VIPR1: variants seen among roughly 807,000 people sequenced by gnomAD.
The protein encoded by VIPR1 is vasoactive intestinal polypeptide receptor 1.
In VIPR1, 59 loss-of-function variants were observed where a neutral mutation model predicts 58.8. The ratio of observed to expected loss-of-function variants is 1.00; its 90% CI spans 0.81 to 1.25. The LOEUF is 1.25. Ranked by LOEUF, VIPR1 falls within the 50% of genes most tolerant of loss-of-function variation. The pLI is 0.00. For synonymous variants in VIPR1, 251 were observed against 242.1 expected, an observed-to-expected ratio of 1.04 and a Z score of -0.34; for missense variants, 626 against 602.7, an observed-to-expected ratio of 1.04 and a Z score of -0.40.
intron 3 of VIPR1, 30 bp downstream of exon 3, chr3:42,519,360 G>C (rs1161216735): frequency 3.2e-6 from 5 of 1,563,098 alleles, no homozygotes; most frequent in Non-Finnish European, 4.3e-6. Flanking sequence ...GAGGTGATGT[G>C]AGTGGGGCCG....
chr3:42,536,587 T>G lies in VIPR1; in HGVS notation c.*306T>G, dbSNP rs1701863744. ...ATCAAGGGCAAAAAGTCTACATACT[T>G]TCATCCTGACTCTGCCCCCTGCTGG... On this transcript the variant is annotated 3_prime_UTR_variant, in exon 13 of 13. Coordinates refer to ENST00000325123, the MANE Select transcript of VIPR1 (RefSeq NM_004624.4). 6.6e-6 allele frequency: 2 copies of G among 303,340 alleles called. No individual in the cohort carries two copies. 18.8% of individuals were successfully genotyped at this position (303,340 alleles called of 1,614,324 possible).
At chr3:42,516,927 A>G (rs953283391) in intron 2 of VIPR1, 3 of 152,262 alleles carry the variant, frequency 2.0e-5, no homozygotes, top group Non-Finnish European at 2.9e-5. Context: ...GTTTGCTGAT[A>G]TTCTTAACAG....
In VIPR1 at chr3:42,513,445, A is replaced by G. The variant is rs1366821060; in HGVS notation, c.79-304A>G. 9.0e-6 allele frequency: 3 copies of G among 334,250 alleles called. No individual in the cohort carries two copies. In the South Asian group the frequency reaches 1.1e-4, roughly 12 times the overall value. 20.7% of individuals were successfully genotyped at this position (334,250 alleles called of 1,614,324 possible). On this transcript the variant is annotated intron_variant, in intron 1 of 12. Coordinates refer to ENST00000325123, the MANE Select transcript of VIPR1 (RefSeq NM_004624.4). ...TCCAGAGGGCCAGCTCAGGCCTCTA[A>G]GGGGAGGCCCTCTTGCCGCCATCTG...
intron 7 of VIPR1, 27 bp downstream of exon 7, chr3:42,530,959 C>A (rs1323927969): frequency 1.2e-6 from 2 of 1,612,024 alleles, no homozygotes; most frequent in Non-Finnish European, 1.7e-6. Flanking sequence ...GGCTTCCAGG[C>A]TGGGGACAGA....
intron 1 of VIPR1, among the ~76,000 whole-genome samples, chr3:42,494,403 G>A (rs1339032531): frequency 1.3e-5 from 2 of 152,112 alleles, no homozygotes; most frequent in Admixed American, 6.5e-5. Context: ...GATTACATAG[G>A]AGTTATCTGT....
intron 6 of VIPR1, among the ~76,000 whole-genome samples, chr3:42,529,102 T>C (rs1701389138): frequency 6.6e-6 from 1 of 152,138 alleles, no homozygotes; most frequent in Admixed American, 6.6e-5. Context: ...GCTTCCCAAT[T>C]CATTACTGCG....
intron 10 of VIPR1, chr3:42,533,346 C>T (rs1444748718): frequency 1.4e-5 from 2 of 145,360 alleles, no homozygotes; most frequent in East Asian, 2.1e-4. Flanking sequence ...CTAAGACTCA[C>T]ATTCCTGGTG....
rs778975454 is a variant in VIPR1, at chr3:42,525,947, A to T, written c.353A>T (p.Tyr118Phe). Residue 118 changes from tyrosine (Y) to phenylalanine (F), a missense_variant, in exon 4 of 13, where the codon TAC (tyrosine) becomes TTC (phenylalanine). Coordinates refer to ENST00000325123, the MANE Select transcript of VIPR1 (RefSeq NM_004624.4). ...EGWTHLEPGP[Y>F]PIACGLDDKA... is the part of the protein sequence containing the mutation. Reference sequence around the variant, plus strand: ...TGGACGCACCTGGAGCCTGGCCCGTACCCCATTGCCTGTGGTTTGGATGAC... The same window carrying T: ...TGGACGCACCTGGAGCCTGGCCCGTTCCCCATTGCCTGTGGTTTGGATGAC... The T allele has an allele frequency of 1.1e-5, 18 of 1,613,438 alleles. No individual in the cohort carries two copies. In the East Asian group the frequency reaches 3.8e-4, roughly 34 times the overall value.
chr3:42,517,358 AG>A (rs1372955906), intron 2 of VIPR1, among the ~76,000 whole-genome samples: 2 of 152,168 alleles, frequency 1.3e-5, no homozygotes, highest in Non-Finnish European at 2.9e-5. Context: ...ACTTTGGCTC[AG>A]GGGTTGGGTT....
At chr3:42,524,597 G>A (rs1325606188) in intron 3 of VIPR1, among the ~76,000 whole-genome samples, 1 of 152,232 alleles carries the variant, frequency 6.6e-6, no homozygotes, top group East Asian at 1.9e-4. Flanking sequence ...GGGTTGCCAG[G>A]AGGATTTACA....
chr3:42,528,240 C>T (rs1453621631), intron 6 of VIPR1, 117 bp downstream of exon 6: 3 of 1,394,030 alleles, frequency 2.2e-6, no homozygotes, highest in East Asian at 5.0e-5. Context: ...TCCCACCCCA[C>T]CCCTCAATCC....
chr3:42,515,538 C>T (rs1403233106), intron 2 of VIPR1, among the ~76,000 whole-genome samples: 1 of 152,240 alleles, frequency 6.6e-6, no homozygotes. Flanking sequence ...ACAGGCCACC[C>T]TCGTGATTCC....
chr3:42,520,065 C>G (rs549403391), intron 3 of VIPR1, among the ~76,000 whole-genome samples: 1 of 152,220 alleles, frequency 6.6e-6, no homozygotes, highest in Non-Finnish European at 1.5e-5. Context: ...CAAACAGCCC[C>G]TCTCTGAGGA....
chr3:42,515,640 T>C (rs959020311), intron 2 of VIPR1, among the ~76,000 whole-genome samples: 1 of 152,178 alleles, frequency 6.6e-6, no homozygotes, highest in African/African-American at 2.4e-5. Flanking sequence ...CCAGCATAGG[T>C]TGTGGCCATG....
At chr3:42,530,755 C>A (rs912848419) in intron 6 of VIPR1, 24 bp from the exon 7 acceptor site, 1 of 1,611,740 alleles carries the variant, frequency 6.2e-7, no homozygotes, top group African/African-American at 1.3e-5. Context: ...CCAGTGAACC[C>A]CGTCTTTTCT....
Position 42,536,566 on chromosome 3 carries a change from AG to A in VIPR1, c.*288del. ...CTCCAAAGGCCCCCTACGCCAATCA[AG>A]GGCAAAAAGTCTACATACTTTCATC... On this transcript the variant is annotated 3_prime_UTR_variant, in exon 13 of 13. Transcript: ENST00000325123. The A allele has an allele frequency of 5.5e-6, 2 of 361,302 alleles. No homozygotes were observed. The highest frequency in any genetic ancestry group is 4.9e-6 in the Non-Finnish European group (1 of 202,772). 22.4% of individuals were successfully genotyped at this position (361,302 alleles called of 1,614,324 possible).
intron 2 of VIPR1, 97 bp downstream of exon 2, chr3:42,513,951 T>G: frequency 7.4e-7 from 1 of 1,350,668 alleles, no homozygotes; most frequent in East Asian, 2.5e-5. Context: ...CGTTCCACAT[T>G]TATTGGATGA....
intron 1 of VIPR1, among the ~76,000 whole-genome samples, chr3:42,493,891 A>T (rs1197916102): frequency 6.6e-6 from 1 of 152,102 alleles, no homozygotes; most frequent in African/African-American, 2.4e-5. Context: ...TTCTGGAAAC[A>T]TCTGGTTTAT....
At position 42,536,148 on chromosome 3, in the gene VIPR1, G is replaced by A. The variant is rs1481551253; in HGVS notation, c.1241G>A (p.Trp414Ter). Residue 414 changes from tryptophan to a stop codon, truncating the protein, a stop_gained, in exon 13 of 13, where the codon TGG (tryptophan) becomes TAG (stop). Transcript: ENST00000325123. LOFTEE classifies it high-confidence loss of function. ...TGGCACCTGCAGGGCGTCCTGGGCT[G>A]GAACCCCAAATACCGGCACCCGTCG... The part of the protein sequence containing the change: ...RRWHLQGVLG[W>*]NPKYRHPSGG... 6.2e-7 allele frequency: 1 copy of A among 1,607,744 alleles called. No homozygotes were observed.
Sources: gnomAD v4.1 joint callset for allele counts (sites outside exome capture counted in the v4.1 genomes callset) on GRCh38, gnomAD v4.1.1 for gene constraint, MANE v1.5 for transcripts, NCBI Gene and HGNC (gene_info 2026-07-23, HGNC 2026-07-21) for gene names.